Variants in KRIT1 observed in about 807,000 individuals in gnomAD.
The protein encoded by KRIT1 is krev interaction trapped protein 1.
KRIT1 carries 45 observed loss-of-function variants against 95.8 expected under a neutral mutation model. The observed-to-expected ratio is 0.47, with a 90% confidence interval of 0.37 to 0.60. The LOEUF (loss-of-function observed/expected upper bound fraction) is 0.60. Among genes scored for constraint, KRIT1 ranks in the 20% least tolerant of loss-of-function variants. KRIT1 has a pLI of 0.00. For synonymous variants in KRIT1, 282 were observed against 278.8 expected (o/e 1.01, Z -0.11); for missense variants, 788 against 877.5 (o/e 0.90, Z 1.29).
chr7:92,234,728 G>A, intron 9 of KRIT1, 80 bp downstream of exon 9: 1 of 1,110,958 alleles, frequency 9.0e-7, no homozygotes, highest in South Asian at 1.3e-5. Context: ...CATACAAATT[G>A]CATATATAAT....
chr7:92,231,629 T>C (rs1045324255), intron 10 of KRIT1, among the ~76,000 whole-genome samples: 2 of 152,180 alleles, frequency 1.3e-5, no homozygotes, highest in South Asian at 4.1e-4. Flanking sequence ...TCCTCGGTCT[T>C]TGTACCAATT....
chr7:92,241,681 A>G, intron 4 of KRIT1, among the ~76,000 whole-genome samples: 1 of 152,250 alleles, frequency 6.6e-6, no homozygotes, highest in East Asian at 1.9e-4. Context: ...ATTGTTAAAA[A>G]TAGTTATTTG....
intron 17 of KRIT1, 72 bp downstream of exon 17, chr7:92,213,123 T>A: frequency 9.7e-7 from 1 of 1,027,696 alleles, no homozygotes; most frequent in Non-Finnish European, 1.5e-6. Context: ...ATTTCTAAAT[T>A]CTTCATGTAG....
chr7:92,217,700 T>C (rs961892146), intron 14 of KRIT1, among the ~76,000 whole-genome samples: 4 of 152,218 alleles, frequency 2.6e-5, no homozygotes, highest in African/African-American at 9.6e-5. Flanking sequence ...TCTACCCTTT[T>C]GGTTATTATG....
chr7:92,241,986 C>A, intron 4 of KRIT1, 48 bp downstream of exon 4: 1 of 985,304 alleles, frequency 1.0e-6, no homozygotes, highest in Non-Finnish European at 1.6e-6. Flanking sequence ...AATGATAATA[C>A]AGAATGACAT....
At chr7:92,212,757 GAA>G (rs1480706779) in intron 17 of KRIT1, among the ~76,000 whole-genome samples, 6 of 152,134 alleles carry the variant, frequency 3.9e-5, no homozygotes, top group African/African-American at 1.2e-4. Context: ...GGTATGTAAT[GAA>G]AAGTTTCCCT....
chr7:92,221,885 A>G lies in KRIT1; in HGVS notation c.1563+17T>C. The stretch of plus-strand genomic sequence containing the variant: ...TTTGTGCATTTAAATAACTGTAAAT[A>G]AGATTTCCAAGCAAACCTGTTTTTC... On this transcript the variant is annotated intron_variant, in intron 14 of 18. Coordinates refer to ENST00000394505, the MANE Select transcript of KRIT1 (RefSeq NM_194454.3). 1 of 1,608,838 alleles carries G rather than the reference A, an allele frequency of 6.2e-7. No homozygotes were observed. Among genetic ancestry groups the G allele is most frequent in the Non-Finnish European group, 8.5e-7 (1 of 1,176,156 alleles).
intron 17 of KRIT1, among the ~76,000 whole-genome samples, chr7:92,202,010 A>G (rs1187939763): frequency 6.6e-6 from 1 of 152,174 alleles, no homozygotes; most frequent in Non-Finnish European, 1.5e-5. Context: ...GGATAATGAA[A>G]GGTACTACCT....
chr7:92,218,862 ATTTCT>A (rs1474095859), intron 14 of KRIT1, among the ~76,000 whole-genome samples: 1 of 152,048 alleles, frequency 6.6e-6, no homozygotes, highest in African/African-American at 2.4e-5. Context: ...CTTACCCAAT[ATTTCT>A]TTTGTTGTTC....
chr7:92,207,152 C>A (rs1791717332), intron 17 of KRIT1, among the ~76,000 whole-genome samples: 1 of 152,034 alleles, frequency 6.6e-6, no homozygotes, highest in Admixed American at 6.5e-5. Context: ...ATACAGGAAG[C>A]TCAAAGATAC....
chr7:92,239,244 G>T (rs1390239218), intron 5 of KRIT1, among the ~76,000 whole-genome samples: 1 of 152,156 alleles, frequency 6.6e-6, no homozygotes, highest in African/African-American at 2.4e-5. Flanking sequence ...CCAGCCTTCT[G>T]GACCAGGGGA....
At chr7:92,239,864 C>T (rs1038333629) in intron 5 of KRIT1, among the ~76,000 whole-genome samples, 7 of 151,970 alleles carry the variant, frequency 4.6e-5, no homozygotes, top group African/African-American at 1.7e-4. Context: ...GCGTGTACCA[C>T]CACACCGGGC....
At chr7:92,226,494 T>C (rs1387673918) in intron 11 of KRIT1, 32 bp downstream of exon 11, 2 of 1,531,542 alleles carry the variant, frequency 1.3e-6, no homozygotes, top group Non-Finnish European at 1.8e-6. Context: ...ACTGCTTGAA[T>C]ATTATTTTTA....
Position 92,238,068 on chromosome 7 carries a change from A to G in KRIT1, c.263-309T>C, listed in dbSNP as rs145396496. Among the ~76,000 whole-genome samples the G allele has an allele frequency of 1.7e-3, 264 of 152,312 alleles. 1 individual carries two copies. Among genetic ancestry groups the G allele is most frequent in the African/African-American group, 6.2e-3 (256 of 41,568 alleles). On this transcript the variant is annotated intron_variant, in intron 5 of 18. Transcript: ENST00000394505. ...TGTACTCTGCAGGGTCAATATGCAT[A>G]TACCACCTCAGTCATCTAGAATAGA...
Position 92,200,680 on chromosome 7 carries a change from G to T in KRIT1, c.*56C>A. ...AGTAATATTTTAAGAAATCTTTCAC[G>T]GAAAAAAAACTCTGCATTACAAAAT... On this transcript the variant is annotated 3_prime_UTR_variant, in exon 19 of 19. Coordinates refer to ENST00000394505, the MANE Select transcript of KRIT1 (RefSeq NM_194454.3). 1 of 1,162,528 alleles carries T rather than the reference G, an allele frequency of 8.6e-7. No homozygotes were observed. Among genetic ancestry groups the T allele is most frequent in the Non-Finnish European group, 1.3e-6 (1 of 769,624 alleles). 72.0% of individuals were successfully genotyped at this position (1,162,528 alleles called of 1,614,324 possible).
intron 5 of KRIT1, chr7:92,240,791 T>C (rs1799447791): frequency 3.4e-6 from 2 of 588,548 alleles, no homozygotes; most frequent in Non-Finnish European, 3.0e-6. Context: ...ATTCTTTAAA[T>C]ACTTCTCAAC....
chr7:92,225,030 G>A (rs1218232886), intron 12 of KRIT1, among the ~76,000 whole-genome samples: 6 of 151,952 alleles, frequency 3.9e-5, no homozygotes, highest in South Asian at 4.2e-4. Flanking sequence ...GGTGGCAGGC[G>A]CACGTAATCC....
Position 92,231,126 on chromosome 7 carries a change from C to G in KRIT1, c.989+3323G>C, listed in dbSNP as rs191414822. On this transcript the variant is annotated intron_variant, in intron 10 of 18. Coordinates refer to ENST00000394505, the MANE Select transcript of KRIT1 (RefSeq NM_194454.3). ...AAATAGAGGGTCTGGCATAGGGGTA[C>G]GGGAAGAATAAAGAAGTGAGAGAAT... Among the ~76,000 whole-genome samples, 15 of 151,974 alleles carry G rather than the reference C, an allele frequency of 9.9e-5. No individual in the cohort carries two copies. The South Asian group carries it at 3.1e-3, about 32-fold the overall frequency.
chr7:92,204,679 A>C (rs1790985778), intron 17 of KRIT1, among the ~76,000 whole-genome samples: 1 of 152,096 alleles, frequency 6.6e-6, no homozygotes, highest in African/African-American at 2.4e-5. Flanking sequence ...ATAAGAATCT[A>C]ATGCCACCGT....
Sources: gnomAD v4.1 joint callset for allele counts (sites outside exome capture counted in the v4.1 genomes callset) on GRCh38, gnomAD v4.1.1 for gene constraint, MANE v1.5 for transcripts, NCBI Gene and HGNC (gene_info 2026-07-23, HGNC 2026-07-21) for gene names.